RNF220: variants seen among roughly 807,000 people sequenced by gnomAD.
RNF220 encodes ring finger protein 220.
In RNF220, 7 loss-of-function variants were observed where a neutral mutation model predicts 67.1. The observed-to-expected ratio is 0.10, with a 90% CI of 0.06 to 0.20. RNF220 has a LOEUF of 0.20. Ranked by LOEUF, RNF220 falls within the 10% of genes least tolerant of loss-of-function variation. The pLI, the probability that RNF220 is intolerant of heterozygous loss-of-function variation, is 1.00. For synonymous variants in RNF220, 270 were observed against 283.2 expected (o/e 0.95, Z 0.47); for missense variants, 565 against 740.3 (o/e 0.76, Z 2.75).
rs547785195 is a variant in RNF220, at chr1:44,473,678, G to A, written c.625+60956G>A. On this transcript the variant is annotated intron_variant, in intron 2 of 14. Transcript: ENST00000361799. ...ATTGAAGATAATTTCCTTCAGAGGG[G>A]TCAGCTGAGAAGATAATTGGGCTCT... Among the ~76,000 whole-genome samples, 5 of 152,254 alleles carry A rather than the reference G, an allele frequency of 3.3e-5. No homozygotes were observed. In the South Asian group the frequency reaches 1.0e-3, roughly 32 times the overall value.
chr1:44,579,798 G>C (rs765928217), intron 2 of RNF220, among the ~76,000 whole-genome samples: 1 of 152,068 alleles, frequency 6.6e-6, no homozygotes, highest in Non-Finnish European at 1.5e-5. Flanking sequence ...GGAGGCTGAG[G>C]TGGGTAGATT....
At chr1:44,640,018 G>A (rs1644441873) in intron 8 of RNF220, among the ~76,000 whole-genome samples, 2 of 152,224 alleles carry the variant, frequency 1.3e-5, no homozygotes, top group Non-Finnish European at 2.9e-5. Flanking sequence ...TTGAACTCCT[G>A]ACCTCAGGTG....
intron 2 of RNF220, among the ~76,000 whole-genome samples, chr1:44,494,205 C>CAAAAA (rs375116674): frequency 0.01 from 1,281 of 122,386 alleles, 33 homozygotes; most frequent in African/African-American, 0.038. Flanking sequence ...GAAACTCTGT[C>CAAAAA]AAAAAAAAAA....
chr1:44,406,742 T>C (rs1028799197), intron 1 of RNF220, among the ~76,000 whole-genome samples: 15 of 152,052 alleles, frequency 9.9e-5, no homozygotes, highest in Admixed American at 2.6e-4. Context: ...GTTTCGCCTT[T>C]GTGCTTTGTA....
At position 44,473,586 on chromosome 1, in the gene RNF220, T is replaced by C. The variant is rs1470247695; in HGVS notation, c.625+60864T>C. Among the ~76,000 whole-genome samples, 9 of 152,168 alleles carry C rather than the reference T, an allele frequency of 5.9e-5. No individual in the cohort carries two copies. The South Asian group carries it at 1.7e-3, about 28-fold the overall frequency. On this transcript the variant is annotated intron_variant, in intron 2 of 14. Transcript: ENST00000361799. Reference sequence around the variant, plus strand: ...TTCCAACTTACTAGGCTTCATTTCTTGGGGAGTCTATGTGTTCCTCTGTTC... The same window carrying C: ...TTCCAACTTACTAGGCTTCATTTCTCGGGGAGTCTATGTGTTCCTCTGTTC...
intron 2 of RNF220, among the ~76,000 whole-genome samples, chr1:44,597,262 G>A (rs17387066): frequency 0.17 from 25,585 of 152,010 alleles, 2,822 homozygotes; most frequent in Middle Eastern, 0.32. Flanking sequence ...CAGATGCTCC[G>A]TAATAATTTG....
chr1:44,557,123 G>GTA (rs1040933642), intron 2 of RNF220, among the ~76,000 whole-genome samples: 7 of 145,130 alleles, frequency 4.8e-5, no homozygotes, highest in Non-Finnish European at 9.0e-5. Context: ...ATGTATATAT[G>GTA]TATATATATT....
intron 1 of RNF220, among the ~76,000 whole-genome samples, chr1:44,407,385 C>T (rs1647453390): frequency 6.6e-6 from 1 of 152,186 alleles, no homozygotes; most frequent in Non-Finnish European, 1.5e-5. Context: ...CTCCTCTTTC[C>T]GTCTCGCGGG....
chr1:44,408,400 C>T (rs1647615130), intron 1 of RNF220, among the ~76,000 whole-genome samples: 2 of 152,210 alleles, frequency 1.3e-5, no homozygotes, highest in African/African-American at 4.8e-5. Flanking sequence ...CTTATGTTCC[C>T]TGAGCTCTCG....
chr1:44,456,233 C>T (rs1044098587), intron 2 of RNF220, among the ~76,000 whole-genome samples: 1 of 151,994 alleles, frequency 6.6e-6, no homozygotes, highest in African/African-American at 2.4e-5. Context: ...ATTTGGTTAC[C>T]AAGGGTCCAA....
intron 2 of RNF220, among the ~76,000 whole-genome samples, chr1:44,538,526 A>G (rs1661418161): frequency 6.6e-6 from 1 of 152,214 alleles, no homozygotes. Flanking sequence ...CAGCAGTAAC[A>G]ACCTCGGAAT....
intron 2 of RNF220, among the ~76,000 whole-genome samples, chr1:44,549,143 C>T (rs1662411641): frequency 6.6e-6 from 1 of 152,128 alleles, no homozygotes; most frequent in Admixed American, 6.5e-5. Context: ...GCCAAGATCA[C>T]ACCAGTGCAC....
intron 1 of RNF220, among the ~76,000 whole-genome samples, chr1:44,406,207 C>T (rs1026258525): frequency 3.0e-4 from 46 of 151,904 alleles, no homozygotes; most frequent in African/African-American, 9.9e-4. Context: ...TTTTTCCTAG[C>T]GGGGGCGGGT....
chr1:44,596,455 G>C (rs1965877), intron 2 of RNF220, among the ~76,000 whole-genome samples: 47,125 of 151,804 alleles, frequency 0.31, 7,607 homozygotes, highest in Non-Finnish European at 0.35. Flanking sequence ...CCAGCTACTC[G>C]GGAGGCTGAG....
intron 2 of RNF220, among the ~76,000 whole-genome samples, chr1:44,482,920 C>CTTTTT (rs34268893): frequency 1.7e-3 from 121 of 69,174 alleles, no homozygotes; most frequent in African/African-American, 2.4e-3. Context: ...CACACCCAGC[C>CTTTTT]TTTTTTTTTT....
intron 2 of RNF220, among the ~76,000 whole-genome samples, chr1:44,595,740 TTTTTATTTTATTA>T (rs1467101101): frequency 1.3e-5 from 2 of 152,042 alleles, no homozygotes; most frequent in African/African-American, 4.8e-5. Flanking sequence ...TTTATTTTAC[TTTTTATTTTATTA>T]TTTTATTTTT....
At chr1:44,481,814 A>G (rs985446581) in intron 2 of RNF220, among the ~76,000 whole-genome samples, 1 of 152,162 alleles carries the variant, frequency 6.6e-6, no homozygotes, top group Non-Finnish European at 1.5e-5. Context: ...TGATCCAGGC[A>G]AAGAAAAAGA....
At chr1:44,405,910 A>G (rs1443178441) in intron 1 of RNF220, among the ~76,000 whole-genome samples, 5 of 152,180 alleles carry the variant, frequency 3.3e-5, no homozygotes, top group Admixed American at 3.3e-4. Context: ...TCCGTCTCTT[A>G]ATAAGCCCCA....
intron 3 of RNF220, among the ~76,000 whole-genome samples, chr1:44,620,387 C>G (rs550114836): frequency 4.5e-4 from 68 of 152,366 alleles, no homozygotes; most frequent in African/African-American, 1.6e-3. Flanking sequence ...GGAGATAATA[C>G]TCTTATCCTA....
Sources: gnomAD v4.1 joint callset for allele counts (sites outside exome capture counted in the v4.1 genomes callset) on GRCh38, gnomAD v4.1.1 for gene constraint, MANE v1.5 for transcripts, NCBI Gene and HGNC (gene_info 2026-07-23, HGNC 2026-07-21) for gene names.